Variants in CHST3 observed in about 807,000 individuals in gnomAD.
The protein encoded by CHST3 is carbohydrate sulfotransferase 3.
In CHST3, 20 loss-of-function variants were observed where a neutral mutation model predicts 35.4. That is an observed-to-expected ratio of 0.57 (90% CI 0.40 to 0.82). CHST3 has a LOEUF of 0.82. Among genes scored for constraint, CHST3 ranks in the 40% least tolerant of loss-of-function variants. The probability of loss-of-function intolerance (pLI) is 0.00; values close to 1 mark genes in which losing one functional copy is unlikely to be tolerated. For missense variants in CHST3, 693 were observed against 670.1 expected (o/e 1.03, Z -0.38); for synonymous variants, 334 against 295.9 (o/e 1.13, Z -1.32).
chr10:71,997,755 G>A (rs1372138360), intron 1 of CHST3, among the ~76,000 whole-genome samples: 1 of 141,056 alleles, frequency 7.1e-6, no homozygotes, highest in Non-Finnish European at 1.5e-5. Context: ...TCCACCTCCC[G>A]GGTCCTCATT....
intron 1 of CHST3, among the ~76,000 whole-genome samples, chr10:72,005,267 C>T (rs146343043): frequency 6.6e-6 from 1 of 151,572 alleles, no homozygotes; most frequent in Non-Finnish European, 1.5e-5. Context: ...CCTGCATAAG[C>T]ACAGGGTCTG....
chr10:71,978,821 T>A (rs1018934065), intron 1 of CHST3, among the ~76,000 whole-genome samples: 1 of 152,180 alleles, frequency 6.6e-6, no homozygotes, highest in Non-Finnish European at 1.5e-5. Context: ...GGAAATGGCC[T>A]CCGAGGGGCC....
rs1041258526 is a variant in CHST3 at position 72,007,539 on chromosome 10, C to T, written c.508C>T (p.Arg170Cys). ...CTTCGAGCCGCTGTGGCACATCGAG[C>T]GCACAGTGTCCTTCGAGCCGGGGGG... ...YLFEPLWHIERTVSFEPGGAN... is the reference protein window; with the variant it reads ...YLFEPLWHIECTVSFEPGGAN... The change falls in exon 3 of 3, where the codon CGC (arginine) becomes TGC (cysteine). Residue 170 changes from arginine (R) to cysteine (C), a missense_variant. Arg to Cys is a radical substitution (Grantham distance 180). Coordinates refer to ENST00000373115, the MANE Select transcript of CHST3 (RefSeq NM_004273.5). 2 of 1,605,320 alleles carry T rather than the reference C, an allele frequency of 1.2e-6. No homozygotes were observed. Among genetic ancestry groups the T allele is most frequent in the South Asian group, 1.1e-5 (1 of 91,022 alleles).
Position 71,969,050 on chromosome 10 carries a change from G to C in CHST3, c.-108+4356G>C, listed in dbSNP as rs1839662088. Among the ~76,000 whole-genome samples, 4 of 152,108 alleles carry C rather than the reference G, an allele frequency of 2.6e-5. No individual in the cohort carries two copies. In the South Asian group the frequency reaches 8.3e-4, roughly 32 times the overall value. ...GACACCTCCTATTGTCATTTACCTG[G>C]TGAACATAAGGGGCCATGTCACAGC... On this transcript the variant is annotated intron_variant, in intron 1 of 2. Coordinates refer to ENST00000373115, the MANE Select transcript of CHST3 (RefSeq NM_004273.5).
chr10:71,972,155 G>A (rs866397125), intron 1 of CHST3, among the ~76,000 whole-genome samples: 9 of 152,254 alleles, frequency 5.9e-5, no homozygotes, highest in South Asian at 2.1e-4. Flanking sequence ...TTACAGATGG[G>A]AAGACAGAGG....
intron 1 of CHST3, among the ~76,000 whole-genome samples, chr10:71,965,086 G>A (rs543538609): frequency 1.3e-4 from 20 of 152,308 alleles, no homozygotes; most frequent in Admixed American, 1.0e-3. Context: ...TGCTGCCCCC[G>A]CAGCCCCCAA....
rs1327039080 is a variant in CHST3 at position 72,008,405 on chromosome 10, C to T, written c.1374C>T (p.Asp458=). 1.3e-6 allele frequency: 2 copies of T among 1,570,620 alleles called. No individual in the cohort carries two copies. Among genetic ancestry groups the T allele is most frequent in the South Asian group, 1.2e-5 (1 of 85,392 alleles). ...TCTTCGGCTACAAACTGGCGCGGGA[C>T]GCCGCCGCCCTCACCAACCGCTCAG... The part of the protein sequence containing the change: ...MRLFGYKLAR[D]AAALTNRSVS... The change falls in exon 3 of 3, where the codon GAC becomes GAT. Residue 458 remains aspartate, a synonymous_variant. Coordinates refer to ENST00000373115, the MANE Select transcript of CHST3 (RefSeq NM_004273.5).
chr10:71,982,150 G>A (rs1169946561), intron 1 of CHST3, among the ~76,000 whole-genome samples: 1 of 152,230 alleles, frequency 6.6e-6, no homozygotes, highest in Non-Finnish European at 1.5e-5. Flanking sequence ...AGGATTTTGA[G>A]TTGAGAGATT....
At chr10:71,970,166 G>A (rs1407927194) in intron 1 of CHST3, among the ~76,000 whole-genome samples, 1 of 152,136 alleles carries the variant, frequency 6.6e-6, no homozygotes, top group African/African-American at 2.4e-5. Context: ...GCCGCCACCA[G>A]CTTGGAGGGC....
chr10:71,987,948 C>T (rs1030032689), intron 1 of CHST3, among the ~76,000 whole-genome samples: 2 of 152,102 alleles, frequency 1.3e-5, no homozygotes, highest in African/African-American at 4.8e-5. Flanking sequence ...GCCGTCTTTC[C>T]AGAGGTGCAG....
chr10:71,986,863 A>C (rs1839851565), intron 1 of CHST3, among the ~76,000 whole-genome samples: 1 of 152,244 alleles, frequency 6.6e-6, no homozygotes, highest in African/African-American at 2.4e-5. Flanking sequence ...CAGACCAGCA[A>C]TAATGCCCAG....
intron 1 of CHST3, among the ~76,000 whole-genome samples, chr10:72,000,562 G>T (rs1046721579): frequency 2.6e-5 from 4 of 152,186 alleles, no homozygotes; most frequent in African/African-American, 9.7e-5. Flanking sequence ...ACCAGCTGAT[G>T]CAGAAGCCCC....
At position 71,964,604 on chromosome 10, in the gene CHST3, C is replaced by A. The variant is rs1839610464; in HGVS notation, c.-198C>A. 1 of 152,184 alleles carries A rather than the reference C, an allele frequency of 6.6e-6. No individual in the cohort carries two copies. The highest frequency in any genetic ancestry group is 2.4e-5 in the African/African-American group (1 of 41,550). The allele number at this position is 152,184 out of a possible 1,614,324, so 9.4% of individuals were successfully genotyped here. A position where few individuals can be genotyped will look rare whatever the true frequency, so the allele number is the denominator to read the frequency against. On this transcript the variant is annotated 5_prime_UTR_variant, in exon 1 of 3. Transcript: ENST00000373115. ...CGGAACCGCTTCTGCCGGGATCTTC[C>A]AGGAGGAAAGCGAAGTTGCGAGCGG...
intron 1 of CHST3, among the ~76,000 whole-genome samples, chr10:71,979,320 G>T (rs1044092333): frequency 6.6e-6 from 1 of 152,190 alleles, no homozygotes; most frequent in African/African-American, 2.4e-5. Context: ...CCAGGCTCTT[G>T]TGAGAATTGG....
rs753138464 is a variant in CHST3 at position 72,002,366 on chromosome 10, T to C, written c.-107-3370T>C. On this transcript the variant is annotated intron_variant, in intron 1 of 2. Transcript: ENST00000373115. ...CTTGTCATTTAGGCACCCCAACTTC[T>C]ATACCTTACCAAGGTGCCAGGCCCA... 8.5e-5 allele frequency among the ~76,000 whole-genome samples: 13 copies of C among 152,270 alleles called. No homozygotes were observed. In the Middle Eastern group the frequency reaches 0.01, roughly 120 times the overall value.
chr10:71,999,640 C>G (rs1045963837), intron 1 of CHST3, among the ~76,000 whole-genome samples: 6 of 152,248 alleles, frequency 3.9e-5, no homozygotes, highest in Non-Finnish European at 8.8e-5. Flanking sequence ...TCCCTTATCA[C>G]AGCCGACTTG....
At chr10:72,005,624 C>G (rs982304697) in intron 1 of CHST3, 112 bp from the exon 2 acceptor site, 1 of 602,190 alleles carries the variant, frequency 1.7e-6, no homozygotes, top group African/African-American at 1.8e-5. Flanking sequence ...GAGAGTGGGT[C>G]TGGGGTCCTG....
At chr10:71,979,424 T>C (rs1284673076) in intron 1 of CHST3, among the ~76,000 whole-genome samples, 1 of 151,384 alleles carries the variant, frequency 6.6e-6, no homozygotes, top group African/African-American at 2.4e-5. Context: ...GGAGAGGGGT[T>C]AGACTAGTCC....
At chr10:72,000,690 T>C (rs898524731) in intron 1 of CHST3, among the ~76,000 whole-genome samples, 1 of 151,998 alleles carries the variant, frequency 6.6e-6, no homozygotes, top group Admixed American at 6.5e-5. Context: ...AAGTAGTGCA[T>C]AGAGTGTTTG....
Sources: gnomAD v4.1 joint callset for allele counts (sites outside exome capture counted in the v4.1 genomes callset) on GRCh38, gnomAD v4.1.1 for gene constraint, MANE v1.5 for transcripts, NCBI Gene and HGNC (gene_info 2026-07-23, HGNC 2026-07-21) for gene names.